IFI16: variants seen among roughly 807,000 people sequenced by gnomAD.
IFI16 encodes the protein gamma-interferon-inducible protein 16.
Under a neutral mutation model 68.4 loss-of-function variants are expected in IFI16, and 49 were observed. The observed-to-expected ratio is 0.72, with a 90% CI of 0.57 to 0.91. The LOEUF (loss-of-function observed/expected upper bound fraction) is 0.91. Among genes scored for constraint, IFI16 ranks in the 40% least tolerant of loss-of-function variants. The pLI, the probability that IFI16 is intolerant of heterozygous loss-of-function variation, is 0.00. For missense variants in IFI16, 878 were observed against 942.9 expected (o/e 0.93, Z 0.90); for synonymous variants, 307 against 315.0 (o/e 0.97, Z 0.27).
At chr1:159,016,454 A>T in intron 3 of IFI16, 79 bp from the exon 4 acceptor site, 1 of 1,273,046 alleles carries the variant, frequency 7.9e-7, no homozygotes, top group South Asian at 1.5e-5. Flanking sequence ...GAATAATAAA[A>T]CTACTATCCA....
At chr1:159,050,671 A>C (rs1302902889) in intron 9 of IFI16, among the ~76,000 whole-genome samples, 1 of 152,074 alleles carries the variant, frequency 6.6e-6, no homozygotes, top group African/African-American at 2.4e-5. Flanking sequence ...CTCCTCTTCC[A>C]GATCAGCAGC....
intron 1 of IFI16, among the ~76,000 whole-genome samples, 177 bp from the exon 2 acceptor site, chr1:159,014,484 C>T (rs1389862460): frequency 6.6e-6 from 1 of 152,152 alleles, no homozygotes; most frequent in African/African-American, 2.4e-5. Flanking sequence ...CTTAGACATT[C>T]CTAACCCAGC....
chr1:159,032,553 T>A lies in IFI16; in HGVS notation c.1191T>A (p.Asn397Lys). The A allele has an allele frequency of 6.3e-7, 1 of 1,588,332 alleles. No homozygotes were observed. Among genetic ancestry groups the A allele is most frequent in the Non-Finnish European group, 8.5e-7 (1 of 1,171,224 alleles). The change falls in exon 7 of 12, where the codon AAT becomes AAA. Residue 397 changes from asparagine to lysine, a missense_variant. Physicochemically the swap from Asn to Lys is moderately conservative, Grantham distance 94. This residue lies in a region of IFI16 where 443 missense variants were observed against 421.8 expected (regional missense o/e 1.05). Transcript: ENST00000295809. ...AGAAAAAAACAAACCCGAGAAACAA[T>A]GACCCCAAGAGCATGAAGCTACCCC... ...QIKKKTNPRN[N>K]DPKSMKLPQE...
upstream of IFI16, among the ~76,000 whole-genome samples, chr1:159,002,858 C>T (rs1652110183): frequency 6.6e-6 from 1 of 152,150 alleles, no homozygotes; most frequent in African/African-American, 2.4e-5. Context: ...TCTATTCATC[C>T]ATATGGCTTG....
At position 159,018,612 on chromosome 1, in the gene IFI16, T is replaced by C. The variant is rs1557865544; in HGVS notation, c.933T>C (p.Ala311=). The C allele has an allele frequency of 6.2e-7, 1 of 1,613,322 alleles. No individual in the cohort carries two copies. Among genetic ancestry groups the C allele is most frequent in the East Asian group, 2.2e-5 (1 of 44,868 alleles). Residue 311 remains alanine, a synonymous_variant, in exon 5 of 12, where the codon GCT becomes GCC. Transcript: ENST00000295809. ...AGATTGATATTCTTCACAAACAAGCTTCAGGAAATATTGTATATGGGGTAT... is the reference window on the plus strand; with the variant it reads ...AGATTGATATTCTTCACAAACAAGCCTCAGGAAATATTGTATATGGGGTAT... ...TLKIDILHKQ[A]SGNIVYGVFM... is the part of the protein sequence containing the mutation.
intron 7 of IFI16, among the ~76,000 whole-genome samples, chr1:159,038,679 A>G (rs2101891150): frequency 6.6e-6 from 1 of 152,222 alleles, no homozygotes; most frequent in South Asian, 2.1e-4. Context: ...AATGTTCTTA[A>G]AGTCTTTCAT....
chr1:159,039,484 C>T (rs1413444361), intron 7 of IFI16, among the ~76,000 whole-genome samples: 1 of 152,130 alleles, frequency 6.6e-6, no homozygotes, highest in Non-Finnish European at 1.5e-5. Flanking sequence ...GCTGGGACTA[C>T]AGGTGTGCAC....
At chr1:159,001,747 A>G (rs1652067190), upstream of IFI16, among the ~76,000 whole-genome samples, 1 of 152,238 alleles carries the variant, frequency 6.6e-6, no homozygotes, top group Non-Finnish European at 1.5e-5. Flanking sequence ...AACAATTTAT[A>G]TATAAGAAAA....
intron 2 of IFI16, among the ~76,000 whole-genome samples, 166 bp downstream of exon 2, chr1:159,015,111 T>C (rs1314176631): frequency 6.6e-6 from 1 of 152,168 alleles, no homozygotes; most frequent in African/African-American, 2.4e-5. Context: ...GACAACTTAG[T>C]GCATTCCATT....
In IFI16 at chr1:159,020,444, G is replaced by A. The variant is rs775974310; in HGVS notation, c.1076G>A (p.Gly359Glu). ...TGTCACAATATCCCCTGTGAAGAAG[G>A]AGATAAGCTCCAACTTTTCTGCTTT... ...GQCHNIPCEE[G>E]DKLQLFCFRL... The change falls in exon 6 of 12, where the codon GGA becomes GAA. Residue 359 changes from glycine (G) to glutamate (E), a missense_variant. By Grantham distance (98) the Gly-to-Glu change is moderately conservative. Around this residue, in one of 4 missense-constraint regions of IFI16, gnomAD observed 443 missense variants for 421.8 expected, o/e 1.05. Transcript: ENST00000295809. 6 of 1,613,048 alleles carry A rather than the reference G, an allele frequency of 3.7e-6. No homozygotes were observed. Among genetic ancestry groups the A allele is most frequent in the Non-Finnish European group, 5.1e-6 (6 of 1,179,162 alleles).
intron 9 of IFI16, among the ~76,000 whole-genome samples, chr1:159,051,047 T>C (rs1655326534): frequency 6.6e-6 from 1 of 152,180 alleles, no homozygotes; most frequent in Non-Finnish European, 1.5e-5. Flanking sequence ...TATGATTTTT[T>C]TCTCTATTTT....
chr1:159,045,075 CA>C (rs1162996712), intron 7 of IFI16, among the ~76,000 whole-genome samples: 2 of 151,806 alleles, frequency 1.3e-5, no homozygotes, highest in Non-Finnish European at 2.9e-5. Context: ...CCAGACAATG[CA>C]ATTTCAGTTA....
upstream of IFI16, among the ~76,000 whole-genome samples, chr1:159,001,176 T>G (rs1264162415): frequency 6.6e-6 from 1 of 152,168 alleles, no homozygotes; most frequent in Non-Finnish European, 1.5e-5. Context: ...ACAGCCCATG[T>G]GAAAAATGGA....
At position 159,049,584 on chromosome 1, in the gene IFI16, CAGT is replaced by C. The variant is rs769650195; in HGVS notation, c.1651_1653del (p.Ser551del). ...AGATGCCTCCATCAACACCAAGCAG[CAGT>C]TTCTTAACCACGGTACAAGTTCCCT... On this transcript the variant is annotated inframe_deletion, in exon 9 of 12. Coordinates refer to ENST00000295809, the MANE Select transcript of IFI16 (RefSeq NM_001376587.1). 2.5e-6 allele frequency: 4 copies of C among 1,603,326 alleles called. No homozygotes were observed. In the African/African-American group the frequency reaches 5.4e-5, roughly 22 times the overall value.
At chr1:159,045,012 G>C (rs1261594700) in intron 7 of IFI16, among the ~76,000 whole-genome samples, 2 of 152,002 alleles carry the variant, frequency 1.3e-5, no homozygotes, top group African/African-American at 4.8e-5. Flanking sequence ...AGTTGTACCT[G>C]ACCAAATAAC....
intron 10 of IFI16, 158 bp from the exon 11 acceptor site, chr1:159,053,375 A>T: frequency 2.2e-6 from 1 of 450,764 alleles, no homozygotes; most frequent in Non-Finnish European, 3.9e-6. Context: ...CAGGATTCAA[A>T]GACCAAGTAT....
intron 6 of IFI16, among the ~76,000 whole-genome samples, chr1:159,023,304 T>A (rs919544366): frequency 6.6e-6 from 1 of 152,224 alleles, no homozygotes; most frequent in Non-Finnish European, 1.5e-5. Context: ...ACTTCTTTTT[T>A]TGCTAATATT....
At chr1:159,008,177 T>G (rs2101784689), upstream of IFI16, among the ~76,000 whole-genome samples, 1 of 152,250 alleles carries the variant, frequency 6.6e-6, no homozygotes, top group Non-Finnish European at 1.5e-5. Flanking sequence ...CAAAAATAGG[T>G]ACATAATTGA....
At chr1:159,009,850 A>C (rs1268924241), upstream of IFI16, 1 of 152,190 alleles carries the variant, frequency 6.6e-6, no homozygotes, top group Non-Finnish European at 1.5e-5. Context: ...TCTCTGACTA[A>C]CAGAAACGAA....
Sources: gnomAD v4.1 joint callset for allele counts (sites outside exome capture counted in the v4.1 genomes callset) on GRCh38, gnomAD v4.1.1 for gene constraint, gnomAD v4.1.1 regional missense constraint, MANE v1.5 for transcripts, NCBI Gene and HGNC (gene_info 2026-07-23, HGNC 2026-07-21) for gene names.